The following DCC variants were observed in gnomAD, a reference collection of about 807,000 sequenced individuals.
DCC encodes netrin receptor DCC.
DCC carries 58 observed loss-of-function variants against 172.5 expected under a neutral mutation model. The ratio of observed to expected loss-of-function variants is 0.34; its 90% CI spans 0.27 to 0.42. The LOEUF (loss-of-function observed/expected upper bound fraction) is 0.42. Ranked by LOEUF, DCC falls within the 10% of genes least tolerant of loss-of-function variation. The pLI, the probability that DCC is intolerant of heterozygous loss-of-function variation, is 1.00. For missense variants in DCC, 1,740 were observed against 1,791.0 expected (o/e 0.97, Z 0.51); for synonymous variants, 709 against 644.5 (o/e 1.10, Z -1.52).
intron 2 of DCC, among the ~76,000 whole-genome samples, chr18:52,777,915 G>A (rs942172524): frequency 7.9e-5 from 12 of 152,120 alleles, no homozygotes; most frequent in Admixed American, 3.3e-4. Flanking sequence ...TAAAAGCAGT[G>A]GACAAGGACA....
At chr18:52,533,280 T>C (rs2032201961) in intron 1 of DCC, among the ~76,000 whole-genome samples, 1 of 152,100 alleles carries the variant, frequency 6.6e-6, no homozygotes, top group East Asian at 1.9e-4. Context: ...CTCCCATGAA[T>C]TTAATTCTAA....
chr18:53,412,122 G>A (rs1478819087), intron 20 of DCC, among the ~76,000 whole-genome samples: 1 of 151,974 alleles, frequency 6.6e-6, no homozygotes, highest in African/African-American at 2.4e-5. Context: ...TATTTCATTT[G>A]GTACTGTTTA....
intron 12 of DCC, among the ~76,000 whole-genome samples, chr18:53,270,791 A>G (rs1043907819): frequency 2.0e-5 from 3 of 152,130 alleles, no homozygotes; most frequent in Admixed American, 1.3e-4. Context: ...ATCTTATGGC[A>G]TGATTTTAAG....
intron 1 of DCC, among the ~76,000 whole-genome samples, chr18:52,606,047 A>G (rs1290197650): frequency 6.6e-6 from 1 of 152,134 alleles, no homozygotes; most frequent in African/African-American, 2.4e-5. Context: ...GGAATGACAG[A>G]GAAAAGAGAA....
At chr18:53,451,202 T>C (rs1248975711) in intron 23 of DCC, among the ~76,000 whole-genome samples, 1 of 152,218 alleles carries the variant, frequency 6.6e-6, no homozygotes, top group African/African-American at 2.4e-5. Context: ...AGATTCAAAA[T>C]GGTTTATTTT....
chr18:52,547,430 G>T (rs2032646680), intron 1 of DCC, among the ~76,000 whole-genome samples: 1 of 152,122 alleles, frequency 6.6e-6, no homozygotes, highest in Admixed American at 6.6e-5. Flanking sequence ...ATTTGAATGT[G>T]TACCTGCATT....
chr18:53,177,375 C>T (rs1029972048), intron 8 of DCC, among the ~76,000 whole-genome samples: 7 of 152,032 alleles, frequency 4.6e-5, no homozygotes, highest in African/African-American at 1.4e-4. Context: ...ACTAACGTCC[C>T]ATTCTCCCAT....
chr18:53,076,846 T>C (rs996044402), intron 7 of DCC, among the ~76,000 whole-genome samples: 12 of 152,166 alleles, frequency 7.9e-5, no homozygotes, highest in African/African-American at 2.9e-4. Flanking sequence ...TGCTAGGAGA[T>C]TGGGCATACA....
At chr18:52,344,532 G>C (rs1392834693) in intron 1 of DCC, among the ~76,000 whole-genome samples, 1 of 152,136 alleles carries the variant, frequency 6.6e-6, no homozygotes, top group Non-Finnish European at 1.5e-5. Context: ...TATGCTCCTG[G>C]AATGTTTGCA....
intron 1 of DCC, among the ~76,000 whole-genome samples, chr18:52,710,966 G>C (rs549272710): frequency 3.3e-5 from 5 of 152,178 alleles, no homozygotes; most frequent in Admixed American, 3.3e-4. Context: ...ACAGAGGAGA[G>C]AGTTGGTCTC....
At chr18:53,177,751 T>G (rs952929973) in intron 8 of DCC, among the ~76,000 whole-genome samples, 1 of 152,090 alleles carries the variant, frequency 6.6e-6, no homozygotes, top group Non-Finnish European at 1.5e-5. Context: ...TTGATGAGAC[T>G]CAGTCACAAG....
At chr18:53,132,760 G>T (rs563775793) in intron 7 of DCC, among the ~76,000 whole-genome samples, 3 of 152,218 alleles carry the variant, frequency 2.0e-5, no homozygotes, top group East Asian at 3.9e-4. Flanking sequence ...TCAGGCCAGG[G>T]TTCATCTTCC....
chr18:53,035,584 C>A (rs890301008), intron 5 of DCC, among the ~76,000 whole-genome samples: 1 of 152,076 alleles, frequency 6.6e-6, no homozygotes, highest in Non-Finnish European at 1.5e-5. Flanking sequence ...ATATTTGTCT[C>A]TCAAATATTA....
At chr18:52,814,408 TCTCTC>T (rs2038254181) in intron 2 of DCC, among the ~76,000 whole-genome samples, 1 of 152,132 alleles carries the variant, frequency 6.6e-6, no homozygotes, top group African/African-American at 2.4e-5. Flanking sequence ...TTAGGTGCAG[TCTCTC>T]CTCTGGGAGA....
At chr18:52,577,382 G>T (rs1335209514) in intron 1 of DCC, among the ~76,000 whole-genome samples, 1 of 151,994 alleles carries the variant, frequency 6.6e-6, no homozygotes, top group African/African-American at 2.4e-5. Flanking sequence ...GTCTTTTCAA[G>T]TATTATAGCT....
chr18:53,237,195 T>A (rs559930547), intron 12 of DCC: 1 of 154,038 alleles, frequency 6.5e-6, no homozygotes, highest in Non-Finnish European at 1.5e-5. Context: ...AGAATCTAGC[T>A]CATTAGATTG....
At chr18:53,040,131 T>C (rs964104756) in intron 5 of DCC, among the ~76,000 whole-genome samples, 17 of 152,026 alleles carry the variant, frequency 1.1e-4, no homozygotes, top group African/African-American at 4.1e-4. Flanking sequence ...GTGAAAAATA[T>C]AGATAACAAA....
At chr18:53,089,385 C>T (rs532482245) in intron 7 of DCC, among the ~76,000 whole-genome samples, 5 of 152,048 alleles carry the variant, frequency 3.3e-5, no homozygotes, top group South Asian at 4.2e-4. Context: ...TGCACCCGGC[C>T]GTACTCATGT....
At chr18:53,140,335 T>A (rs1160348605) in intron 7 of DCC, among the ~76,000 whole-genome samples, 3 of 152,182 alleles carry the variant, frequency 2.0e-5, no homozygotes, top group African/African-American at 7.2e-5. Context: ...TTGGTAGAGG[T>A]GAAAATGAAT....
Sources: gnomAD v4.1 joint callset for allele counts (sites outside exome capture counted in the v4.1 genomes callset) on GRCh38, gnomAD v4.1.1 for gene constraint, MANE v1.5 for transcripts, NCBI Gene and HGNC (gene_info 2026-07-23, HGNC 2026-07-21) for gene names.